The following XIRP2 variants were observed in gnomAD, a reference collection of about 807,000 sequenced individuals.
XIRP2 encodes xin actin binding repeat containing 2.
In XIRP2, 236 loss-of-function variants were observed where a neutral mutation model predicts 277.0. The observed-to-expected ratio is 0.85, with a 90% CI of 0.77 to 0.95. The LOEUF (loss-of-function observed/expected upper bound fraction) is 0.95, where lower values mean the gene tolerates loss of function less well. Among genes scored for constraint, XIRP2 ranks in the 40% least tolerant of loss-of-function variants. The pLI is 0.00. For missense variants in XIRP2, 4,640 were observed against 4,157.5 expected (o/e 1.12, Z -3.19); for synonymous variants, 1,490 against 1,416.5 (o/e 1.05, Z -1.17).
chr2:166,893,746 T>C (rs1328849126), intron 1 of XIRP2, among the ~76,000 whole-genome samples: 1 of 152,142 alleles, frequency 6.6e-6, no homozygotes, highest in African/African-American at 2.4e-5. Flanking sequence ...TGCTTAAAAC[T>C]CTTCATTCAC....
rs773926735 is a variant in XIRP2 at position 167,248,887 on chromosome 2, T to G, written c.7495T>G (p.Cys2499Gly). 6.2e-7 allele frequency: 1 copy of G among 1,613,672 alleles called. No individual in the cohort carries two copies. The change falls in exon 9 of 11, where the codon TGT (cysteine) becomes GGT (glycine). Residue 2499 changes from cysteine (C) to glycine (G), a missense_variant. Coordinates refer to ENST00000409195, the MANE Select transcript of XIRP2 (RefSeq NM_152381.6). Reference protein sequence around the residue: ...RKQLSIDSANCLSHTVPGTSA... With the variant: ...RKQLSIDSANGLSHTVPGTSA... Reference sequence around the variant, plus strand: ...ACAATTATCTATTGACTCTGCAAACTGTCTCTCACACACAGTTCCAGGAAC... The same window carrying G: ...ACAATTATCTATTGACTCTGCAAACGGTCTCTCACACACAGTTCCAGGAAC...
chr2:167,162,750 C>T (rs868160675), intron 3 of XIRP2, among the ~76,000 whole-genome samples: 6 of 152,172 alleles, frequency 3.9e-5, no homozygotes, highest in Non-Finnish European at 7.3e-5. Context: ...CTTAAGTATA[C>T]ATTCCCATCT....
At chr2:167,222,645 G>T (rs1447314044) in intron 5 of XIRP2, among the ~76,000 whole-genome samples, 1 of 152,072 alleles carries the variant, frequency 6.6e-6, no homozygotes, top group East Asian at 1.9e-4. Flanking sequence ...CTTGAGAGGG[G>T]TGTCTTTTTA....
chr2:167,193,557 T>G (rs16853189), intron 3 of XIRP2, among the ~76,000 whole-genome samples: 12,711 of 152,168 alleles, frequency 0.084, 566 homozygotes, highest in South Asian at 0.15. Flanking sequence ...TCACCCATAA[T>G]AACATCTCTT....
chr2:166,951,215 A>G (rs918170923), intron 2 of XIRP2, among the ~76,000 whole-genome samples: 5 of 152,132 alleles, frequency 3.3e-5, no homozygotes, highest in Middle Eastern at 3.4e-3. Flanking sequence ...CCATTCTTGC[A>G]CTGCTATAAA....
At chr2:166,996,598 G>A (rs1233091382) in intron 2 of XIRP2, among the ~76,000 whole-genome samples, 2 of 152,106 alleles carry the variant, frequency 1.3e-5, no homozygotes, top group Non-Finnish European at 2.9e-5. Flanking sequence ...CTGCACTACA[G>A]TCTGGGCAAC....
intron 2 of XIRP2, among the ~76,000 whole-genome samples, chr2:167,048,410 A>G (rs2105530716): frequency 6.6e-6 from 1 of 152,072 alleles, no homozygotes; most frequent in South Asian, 2.1e-4. Context: ...CAATTAAAAT[A>G]GTTACTTTAA....
At chr2:166,915,299 CA>C (rs993808427) in intron 2 of XIRP2, among the ~76,000 whole-genome samples, 5,000 of 40,304 alleles carry the variant, frequency 0.12, 118 homozygotes, top group East Asian at 0.41. Flanking sequence ...GACTCCGTCT[CA>C]AAAAAAAAAA....
intron 2 of XIRP2, among the ~76,000 whole-genome samples, chr2:167,080,139 T>G (rs938112373): frequency 6.6e-6 from 1 of 152,152 alleles, no homozygotes; most frequent in Non-Finnish European, 1.5e-5. Flanking sequence ...AGTTGTAGCA[T>G]TGAAAATAAA....
At chr2:167,229,290 TTGTATAATTATATAAAATAG>T (rs1156566484) in intron 5 of XIRP2, among the ~76,000 whole-genome samples, 1 of 152,182 alleles carries the variant, frequency 6.6e-6, no homozygotes, top group East Asian at 1.9e-4. Context: ...ACAGATCTTT[TTGTATAATTATATAAAATAG>T]AATTCTCAAG....
chr2:167,139,691 T>C (rs1181207066), intron 3 of XIRP2, among the ~76,000 whole-genome samples: 2 of 152,208 alleles, frequency 1.3e-5, no homozygotes, highest in Non-Finnish European at 2.9e-5. Context: ...GATTGTCATT[T>C]ACATATCTTA....
chr2:166,893,532 T>C (rs1007767609), intron 1 of XIRP2, among the ~76,000 whole-genome samples: 1 of 152,188 alleles, frequency 6.6e-6, no homozygotes, highest in African/African-American at 2.4e-5. Flanking sequence ...CATCATTTCA[T>C]TGTGTGGCCA....
At chr2:166,936,994 T>A (rs1685537362) in intron 2 of XIRP2, among the ~76,000 whole-genome samples, 1 of 152,208 alleles carries the variant, frequency 6.6e-6, no homozygotes, top group African/African-American at 2.4e-5. Flanking sequence ...ATCTATAAAT[T>A]ACCTTGGGGA....
intron 5 of XIRP2, among the ~76,000 whole-genome samples, chr2:167,234,392 TTA>T (rs71971811): frequency 0.058 from 8,566 of 148,894 alleles, 277 homozygotes; most frequent in East Asian, 0.11. Context: ...ATATCATTAA[TTA>T]TATATATATA....
At chr2:167,094,585 A>G (rs990164969) in intron 2 of XIRP2, among the ~76,000 whole-genome samples, 14 of 152,126 alleles carry the variant, frequency 9.2e-5, no homozygotes, top group Admixed American at 5.2e-4. Flanking sequence ...TCCTTTCCCT[A>G]TTGCTTGTTT....
At chr2:166,924,793 AG>A (rs1270933701) in intron 2 of XIRP2, among the ~76,000 whole-genome samples, 1 of 152,084 alleles carries the variant, frequency 6.6e-6, no homozygotes, top group South Asian at 2.1e-4. Context: ...TATGTTGCCA[AG>A]TTTAAGAGTA....
rs545714148 is a variant in XIRP2 at position 167,063,318 on chromosome 2, C to A, written c.409-72591C>A. Among the ~76,000 whole-genome samples, 12 of 151,944 alleles carry A rather than the reference C, an allele frequency of 7.9e-5. No homozygotes were observed. The East Asian group carries it at 2.3e-3, about 29-fold the overall frequency. On this transcript the variant is annotated intron_variant, in intron 2 of 10. Transcript: ENST00000409195. Reference sequence around the variant, plus strand: ...ATAGTTATTGAGACTTGTTTTATGACCCAGAATATGGTTTATTTTGCAGAA... The same window carrying A: ...ATAGTTATTGAGACTTGTTTTATGAACCAGAATATGGTTTATTTTGCAGAA...
chr2:167,109,001 T>C (rs951824080), intron 2 of XIRP2, among the ~76,000 whole-genome samples: 2 of 152,040 alleles, frequency 1.3e-5, no homozygotes, highest in Non-Finnish European at 2.9e-5. Context: ...AGGTACTTTT[T>C]CTGATACTGT....
Position 167,251,497 on chromosome 2 carries a change from C to T in XIRP2, c.10105C>T (p.Arg3369Cys). Residue 3369 changes from arginine to cysteine, a missense_variant, in exon 9 of 11, where the codon CGT (arginine) becomes TGT (cysteine). Physicochemically the swap from Arg to Cys is radical, Grantham distance 180. Coordinates refer to ENST00000409195, the MANE Select transcript of XIRP2 (RefSeq NM_152381.6). The part of the protein sequence containing the change: ...ETNHNIQQES[R>C]TFCKEEFGLT... ...AAACCATAACATACAACAAGAAAGT[C>T]GTACATTTTGTAAGGAGGAATTTGG... is the stretch of plus-strand genomic sequence containing the variant. 2 of 1,613,436 alleles carry T rather than the reference C, an allele frequency of 1.2e-6. No individual in the cohort carries two copies. Among genetic ancestry groups the T allele is most frequent in the South Asian group, 1.1e-5 (1 of 91,044 alleles).
Sources: gnomAD v4.1 joint callset for allele counts (sites outside exome capture counted in the v4.1 genomes callset) on GRCh38, gnomAD v4.1.1 for gene constraint, MANE v1.5 for transcripts, NCBI Gene and HGNC (gene_info 2026-07-23, HGNC 2026-07-21) for gene names.